CDYL2: variants seen among roughly 807,000 people sequenced by gnomAD.
CDYL2 encodes chromodomain Y like 2, also known as chromodomain Y-like protein 2.
In CDYL2, 23 loss-of-function variants were observed where a neutral mutation model predicts 49.4. The ratio of observed to expected loss-of-function variants is 0.47; its 90% CI spans 0.34 to 0.66. The LOEUF (loss-of-function observed/expected upper bound fraction) is 0.66, where lower values mean the gene tolerates loss of function less well. CDYL2 is among the 30% of genes least tolerant of loss of function. The pLI is 0.01. For missense variants in CDYL2, 678 were observed against 656.4 expected (o/e 1.03, Z -0.36); for synonymous variants, 360 against 268.8 (o/e 1.34, Z -3.32).
Position 80,612,700 on chromosome 16 carries a change from G to C in CDYL2, c.1144C>G (p.Pro382Ala), listed in dbSNP as rs1232803206. The C allele has an allele frequency of 6.2e-7, 1 of 1,613,328 alleles. No homozygotes were observed. The highest frequency in any genetic ancestry group is 1.3e-5 in the African/African-American group (1 of 74,892). ...GGCGTGAGGCGGATGGTGGCGTAGG[G>C]CGTCTGGAACCAGGCCTTCTCACTG... is the stretch of plus-strand genomic sequence containing the variant. ...WASEKAWFQTPYATIRLTPAG... is the reference protein window; with the variant it reads ...WASEKAWFQTAYATIRLTPAG... Residue 382 changes from proline (P) to alanine (A), a missense_variant, in exon 5 of 7, where the codon CCC becomes GCC. Physicochemically the swap from Pro to Ala is conservative, Grantham distance 27. This residue lies in a region of CDYL2 where 47 missense variants were observed against 78.8 expected (regional missense o/e 0.60). Transcript: ENST00000570137. The surrounding 1 kb of genome is among the most constrained non-coding windows in gnomAD (Gnocchi z 5.0).
In CDYL2 at chr16:80,642,274, C is replaced by T. The variant is rs1477690919; in HGVS notation, c.617-9038G>A. 2.0e-5 allele frequency among the ~76,000 whole-genome samples: 3 copies of T among 152,180 alleles called. No individual in the cohort carries two copies. The East Asian group carries it at 5.8e-4, about 29-fold the overall frequency. ...ACTGGCCAAAGTGATGAAACCCCAT[C>T]TCTACTAAAAATGCAAAAATTAGCT... On this transcript the variant is annotated intron_variant, in intron 2 of 6. Coordinates refer to ENST00000570137, the MANE Select transcript of CDYL2 (RefSeq NM_152342.4).
chr16:80,783,085 T>C (rs1907325668), intron 1 of CDYL2, among the ~76,000 whole-genome samples: 1 of 151,996 alleles, frequency 6.6e-6, no homozygotes, highest in Admixed American at 6.6e-5. Context: ...TCAAAGGACG[T>C]TGTTAAAAGA....
intron 1 of CDYL2, among the ~76,000 whole-genome samples, chr16:80,723,022 T>G (rs1905050596): frequency 6.6e-6 from 1 of 152,216 alleles, no homozygotes; most frequent in Non-Finnish European, 1.5e-5. Context: ...ATAACCCTTT[T>G]CTGCTGCAGG....
At position 80,669,874 on chromosome 16, in the gene CDYL2, A is replaced by G. The variant is rs542043712; in HGVS notation, c.616+14664T>C. ...ATGAGGAGAGTGAGTGCACACCATGAGGGTCTTGACTGCAGAGCGGCCACG... is the reference window on the plus strand; with the variant it reads ...ATGAGGAGAGTGAGTGCACACCATGGGGGTCTTGACTGCAGAGCGGCCACG... On this transcript the variant is annotated intron_variant, in intron 2 of 6. Coordinates refer to ENST00000570137, the MANE Select transcript of CDYL2 (RefSeq NM_152342.4). 5.3e-4 allele frequency among the ~76,000 whole-genome samples: 80 copies of G among 152,302 alleles called. 3 individuals carry two copies. In the South Asian group the frequency reaches 0.016, roughly 31 times the overall value.
At chr16:80,804,644 G>A (rs1019065499), upstream of CDYL2, among the ~76,000 whole-genome samples, 12 of 145,276 alleles carry the variant, frequency 8.3e-5, no homozygotes, top group African/African-American at 2.7e-4. Context: ...CCCCGGGGCG[G>A]GGAGGCGGGG....
At chr16:80,688,535 C>T (rs1245659659) in intron 1 of CDYL2, among the ~76,000 whole-genome samples, 2 of 152,084 alleles carry the variant, frequency 1.3e-5, no homozygotes, top group Non-Finnish European at 2.9e-5. Context: ...ATTGTTTCAC[C>T]CCCAATTTAA....
intron 2 of CDYL2, among the ~76,000 whole-genome samples, chr16:80,664,726 T>C (rs1421785992): frequency 6.6e-6 from 1 of 152,168 alleles, no homozygotes; most frequent in Non-Finnish European, 1.5e-5. Context: ...AATCTAGGTC[T>C]CAAGCCAGGA....
chr16:80,621,033 G>A, intron 3 of CDYL2, 98 bp from the exon 4 acceptor site: 2 of 1,339,376 alleles, frequency 1.5e-6, no homozygotes, highest in Non-Finnish European at 2.0e-6. Context: ...CCCCCTGAGG[G>A]TAGAGGCCAG....
chr16:80,601,575 G>A lies in CDYL2; in HGVS notation c.*2813C>T, dbSNP rs1438807413. 1 of 152,164 alleles carries A rather than the reference G, an allele frequency of 6.6e-6. No homozygotes were observed. The highest frequency in any genetic ancestry group is 1.5e-5 in the Non-Finnish European group (1 of 68,054). 9.4% of individuals were successfully genotyped at this position (152,164 alleles called of 1,614,324 possible). Reference sequence around the variant, plus strand: ...AATGAAAGTCTGAGCTCTGTCTCAGGAAAGCTATTAGGATAAACCCTGACA... The same window carrying A: ...AATGAAAGTCTGAGCTCTGTCTCAGAAAAGCTATTAGGATAAACCCTGACA... On this transcript the variant is annotated 3_prime_UTR_variant, in exon 7 of 7. Coordinates refer to ENST00000570137, the MANE Select transcript of CDYL2 (RefSeq NM_152342.4).
rs916968013 is a variant in CDYL2 at position 80,765,341 on chromosome 16, C to T, written c.24+38809G>A. Among the ~76,000 whole-genome samples, 4 of 151,302 alleles carry T rather than the reference C, an allele frequency of 2.6e-5. No homozygotes were observed. The East Asian group carries it at 5.8e-4, about 22-fold the overall frequency. On this transcript the variant is annotated intron_variant, in intron 1 of 6. Transcript: ENST00000570137. The stretch of plus-strand genomic sequence containing the variant: ...GTAAGTTTAAAGGTTATGACAGAAA[C>T]GACGAAAGACTAAAAACTGTAAGAA...
chr16:80,668,190 C>G (rs1430472110), intron 2 of CDYL2, among the ~76,000 whole-genome samples: 1 of 152,236 alleles, frequency 6.6e-6, no homozygotes, highest in Non-Finnish European at 1.5e-5. Context: ...GAGGCCGTTC[C>G]ACACGTCCTG....
At chr16:80,635,729 G>A (rs886569739) in intron 2 of CDYL2, among the ~76,000 whole-genome samples, 6 of 152,038 alleles carry the variant, frequency 3.9e-5, no homozygotes, top group Non-Finnish European at 7.4e-5. Context: ...ATTTCATATG[G>A]AGCCAAAAAA....
rs572949663 is a variant in CDYL2, at chr16:80,759,667, T to C, written c.24+44483A>G. On this transcript the variant is annotated intron_variant, in intron 1 of 6. Transcript: ENST00000570137. The stretch of plus-strand genomic sequence containing the variant: ...AAACACATTTAGGAGAGTGAAATGA[T>C]ACCTGGAAGTAAATGTATAACCATA... Among the ~76,000 whole-genome samples the C allele has an allele frequency of 2.6e-5, 4 of 152,340 alleles. No individual in the cohort carries two copies. The East Asian group carries it at 5.8e-4, about 22-fold the overall frequency.
chr16:80,646,263 A>C (rs1175803757), intron 2 of CDYL2, among the ~76,000 whole-genome samples: 1 of 152,158 alleles, frequency 6.6e-6, no homozygotes, highest in African/African-American at 2.4e-5. Context: ...CACTCAAGCC[A>C]AAAAATATAT....
intron 2 of CDYL2, among the ~76,000 whole-genome samples, chr16:80,667,372 G>A (rs760217080): frequency 3.5e-4 from 53 of 152,280 alleles, no homozygotes; most frequent in Admixed American, 5.9e-4. Context: ...CTGTCCCTCA[G>A]CTCTATGCCC....
intron 1 of CDYL2, among the ~76,000 whole-genome samples, chr16:80,725,961 T>C (rs1250024375): frequency 6.6e-6 from 1 of 152,254 alleles, no homozygotes; most frequent in Non-Finnish European, 1.5e-5. Context: ...GTCACTCACC[T>C]GCTCTTACAA....
rs767217349 is a variant in CDYL2, at chr16:80,610,359, A to G, written c.1219-2124T>C. On this transcript the variant is annotated intron_variant, in intron 5 of 6. Transcript: ENST00000570137. ...TGCGGAGCTGCCTCAAGAGCATGAGAGTAATGTCAAAGGTGGGTGTTGACC... is the reference window on the plus strand; with the variant it reads ...TGCGGAGCTGCCTCAAGAGCATGAGGGTAATGTCAAAGGTGGGTGTTGACC... Among the ~76,000 whole-genome samples, 54 of 152,228 alleles carry G rather than the reference A, an allele frequency of 3.5e-4. 1 individual carries two copies. Among genetic ancestry groups the G allele is most frequent in the Non-Finnish European group, 6.5e-4 (44 of 68,038 alleles).
chr16:80,765,346 A>G (rs1170557346), intron 1 of CDYL2, among the ~76,000 whole-genome samples: 2 of 151,860 alleles, frequency 1.3e-5, no homozygotes, highest in Non-Finnish European at 2.9e-5. Flanking sequence ...AGAAACGACG[A>G]AAGACTAAAA....
chr16:80,641,547 C>T lies in CDYL2; in HGVS notation c.617-8311G>A, dbSNP rs370188492. Among the ~76,000 whole-genome samples, 3 of 152,146 alleles carry T rather than the reference C, an allele frequency of 2.0e-5. No homozygotes were observed. The East Asian group carries it at 5.8e-4, about 29-fold the overall frequency. The stretch of plus-strand genomic sequence containing the variant: ...GTTAAGAAAATGTGGCACATATACA[C>T]CGTGGAATACTAAGCAGCCATAAAA... On this transcript the variant is annotated intron_variant, in intron 2 of 6. Transcript: ENST00000570137.
Sources: allele counts gnomAD v4.1 joint callset (sites outside exome capture counted in the v4.1 genomes callset), GRCh38; gene constraint gnomAD v4.1.1; regional missense constraint gnomAD v4.1.1; non-coding constraint Gnocchi (gnomAD v3.1); transcripts MANE v1.5; gene names NCBI Gene and HGNC (gene_info 2026-07-23, HGNC 2026-07-21).